HERC4: variants seen among roughly 807,000 people sequenced by gnomAD.
HERC4 encodes HECT and RLD domain containing E3 ubiquitin protein ligase 4.
HERC4 carries 28 observed loss-of-function variants against 124.3 expected under a neutral mutation model. That is an observed-to-expected ratio of 0.23 (90% CI 0.17 to 0.31). The LOEUF (loss-of-function observed/expected upper bound fraction) is 0.31. Ranked by LOEUF, HERC4 falls within the 10% of genes least tolerant of loss-of-function variation. The probability of loss-of-function intolerance (pLI) is 1.00; values close to 1 mark genes in which losing one functional copy is unlikely to be tolerated. For synonymous variants in HERC4, 407 were observed against 421.5 expected (o/e 0.97, Z 0.42); for missense variants, 713 against 1,229.3 (o/e 0.58, Z 6.28).
At chr10:68,011,094 G>A (rs928997128) in intron 9 of HERC4, among the ~76,000 whole-genome samples, 3 of 152,186 alleles carry the variant, frequency 2.0e-5, no homozygotes, top group Non-Finnish European at 2.9e-5. Context: ...ACAGGGTCTT[G>A]CTCTGTCGCC....
At chr10:68,055,947 T>G (rs191426310) in intron 3 of HERC4, among the ~76,000 whole-genome samples, 1 of 152,010 alleles carries the variant, frequency 6.6e-6, no homozygotes, top group Admixed American at 6.6e-5. Flanking sequence ...AGGGGGGGTT[T>G]CACCATGTTG....
At chr10:68,060,768 T>C (rs913570868) in intron 3 of HERC4, among the ~76,000 whole-genome samples, 2 of 152,178 alleles carry the variant, frequency 1.3e-5, no homozygotes, top group African/African-American at 4.8e-5. Flanking sequence ...CTTCAAAATA[T>C]AAGGTTCATT....
Position 67,922,812 on chromosome 10 carries a change from A to G in HERC4, c.*119T>C, listed in dbSNP as rs1034593297. ...GGCTTCCATGAACACTCGTAGATTG[A>G]ACATTCTGCAAGTAAGAATTATAAT... On this transcript the variant is annotated 3_prime_UTR_variant, in exon 25 of 25. Coordinates refer to ENST00000373700, the MANE Select transcript of HERC4 (RefSeq NM_015601.4). 6.9e-6 allele frequency: 5 copies of G among 724,902 alleles called. No individual in the cohort carries two copies. The highest frequency in any genetic ancestry group is 1.2e-5 in the Non-Finnish European group (5 of 431,318). 44.9% of individuals were successfully genotyped at this position (724,902 alleles called of 1,614,324 possible).
intron 5 of HERC4, 21 bp downstream of exon 5, chr10:68,038,072 A>C (rs2039571385): frequency 2.2e-6 from 3 of 1,347,316 alleles, no homozygotes; most frequent in Non-Finnish European, 3.1e-6. Flanking sequence ...GAAGAGAAAT[A>C]AAATAAAAAC....
intron 24 of HERC4, among the ~76,000 whole-genome samples, chr10:67,924,287 G>T (rs186885344): frequency 5.5e-4 from 84 of 152,212 alleles, no homozygotes; most frequent in Non-Finnish European, 1.1e-3. Context: ...TTAATAACAT[G>T]TACATTCATG....
chr10:68,063,044 T>C (rs540908174), intron 3 of HERC4, among the ~76,000 whole-genome samples: 12 of 152,266 alleles, frequency 7.9e-5, no homozygotes, highest in African/African-American at 2.4e-4. Context: ...GCCATCTGCT[T>C]AGTATACTAT....
intron 3 of HERC4, chr10:68,069,486 C>T (rs2041462582): frequency 2.1e-5 from 21 of 985,386 alleles, no homozygotes; most frequent in Non-Finnish European, 2.5e-5. Flanking sequence ...TCAGTTAAAT[C>T]TTTCTGTGTG....
chr10:67,990,399 A>G lies in HERC4; in HGVS notation c.1445T>C (p.Val482Ala). The change falls in exon 14 of 25, where the codon GTG (valine) becomes GCG (alanine). Residue 482 changes from valine (V) to alanine (A), a missense_variant and splice_region_variant. Physicochemically the swap from Val to Ala is moderately conservative, Grantham distance 64 (BLOSUM62 0). Transcript: ENST00000373700. Reference sequence around the variant, plus strand: ...AAGATTCTTTTCCAAACTAGCTGCCACCTATATTTTGACAAAAAGTAAAAC... The same window carrying G: ...AAGATTCTTTTCCAAACTAGCTGCCGCCTATATTTTGACAAAAAGTAAAAC... The part of the protein sequence containing the change: ...QPDHPQISQQ[V>A]AASLEKNLIP... 1 of 1,487,616 alleles carries G rather than the reference A, an allele frequency of 6.7e-7. No homozygotes were observed. Among genetic ancestry groups the G allele is most frequent in the Non-Finnish European group, 9.0e-7 (1 of 1,109,780 alleles). The allele number at this position is 1,487,616 out of a possible 1,614,324, so 92.2% of individuals were successfully genotyped here. A position where few individuals can be genotyped will look rare whatever the true frequency, so the allele number is the denominator to read the frequency against.
chr10:67,930,026 G>C (rs2031613785), intron 23 of HERC4, among the ~76,000 whole-genome samples: 1 of 152,024 alleles, frequency 6.6e-6, no homozygotes, highest in South Asian at 2.1e-4. Flanking sequence ...GGGTGGTCTT[G>C]AACTCCCAAC....
intron 15 of HERC4, among the ~76,000 whole-genome samples, chr10:67,983,786 C>CAAAAAAAAAAA (rs61012367): frequency 2.0e-5 from 2 of 100,148 alleles, no homozygotes; most frequent in African/African-American, 4.1e-5. Context: ...GACTCTGTCT[C>CAAAAAAAAAAA]AAAAAAAAAA....
intron 8 of HERC4, among the ~76,000 whole-genome samples, chr10:68,018,497 C>T (rs900837471): frequency 1.3e-5 from 2 of 152,046 alleles, no homozygotes; most frequent in African/African-American, 2.4e-5. Context: ...GTGTCCTAAA[C>T]AGCACATTAA....
At chr10:67,989,906 T>C (rs2132749220) in intron 14 of HERC4, among the ~76,000 whole-genome samples, 1 of 152,200 alleles carries the variant, frequency 6.6e-6, no homozygotes, top group African/African-American at 2.4e-5. Flanking sequence ...TTTACTTCTT[T>C]AATAGCAAGA....
chr10:67,924,839 T>A (rs2030697833), intron 24 of HERC4, among the ~76,000 whole-genome samples: 1 of 152,248 alleles, frequency 6.6e-6, no homozygotes, highest in South Asian at 2.1e-4. Context: ...CACAGTTTAT[T>A]GTAACTATAA....
At chr10:67,994,360 T>C (rs1195120295) in intron 9 of HERC4, 1 of 152,214 alleles carries the variant, frequency 6.6e-6, no homozygotes, top group African/African-American at 2.4e-5. Context: ...TAATCTACAG[T>C]ACATGAATGG....
Position 67,936,178 on chromosome 10 carries a change from C to T in HERC4, c.2629G>A (p.Asp877Asn). 1 of 1,603,076 alleles carries T rather than the reference C, an allele frequency of 6.2e-7. No individual in the cohort carries two copies. The highest frequency in any genetic ancestry group is 8.5e-7 in the Non-Finnish European group (1 of 1,176,034). ...EVKELVLNGA[D>N]TAVNKQNRQE... ...CGATTTTGTTTGTTAACAGCTGTGT[C>T]TGCACCATTTAGAACCAGCTCTTTC... Residue 877 changes from aspartate to asparagine, a missense_variant, in exon 22 of 25, where the codon GAC becomes AAC. Transcript: ENST00000373700.
chr10:67,963,568 A>G (rs1489925212), intron 16 of HERC4, among the ~76,000 whole-genome samples: 1 of 152,186 alleles, frequency 6.6e-6, no homozygotes, highest in African/African-American at 2.4e-5. Context: ...TAAGAGCTAA[A>G]CACCAAGAGT....
At chr10:67,975,374 C>G (rs2035523311) in intron 15 of HERC4, among the ~76,000 whole-genome samples, 1 of 152,122 alleles carries the variant, frequency 6.6e-6, no homozygotes, top group Admixed American at 6.5e-5. Context: ...ACGTAAGTAA[C>G]AGAGCCAGAA....
rs1206310135 is a variant in HERC4 at position 67,996,516 on chromosome 10, C to T, written c.1070-3834G>A. 5.9e-5 allele frequency among the ~76,000 whole-genome samples: 9 copies of T among 152,230 alleles called. No homozygotes were observed. In the South Asian group the frequency reaches 1.9e-3, roughly 32 times the overall value. Reference sequence around the variant, plus strand: ...TTGATGGTCTCTAAGTCCCTTTCCACTCTTAGCACTTATTCAGGACTCCAA... The same window carrying T: ...TTGATGGTCTCTAAGTCCCTTTCCATTCTTAGCACTTATTCAGGACTCCAA... On this transcript the variant is annotated intron_variant, in intron 9 of 24. Transcript: ENST00000373700.
intron 19 of HERC4, among the ~76,000 whole-genome samples, chr10:67,943,709 C>A (rs1005841458): frequency 1.3e-5 from 2 of 152,178 alleles, no homozygotes; most frequent in Non-Finnish European, 2.9e-5. Flanking sequence ...GTACAGTGAA[C>A]AAGGAGAATC....
Sources: allele counts gnomAD v4.1 joint callset (sites outside exome capture counted in the v4.1 genomes callset), GRCh38; gene constraint gnomAD v4.1.1; transcripts MANE v1.5; gene names NCBI Gene and HGNC (gene_info 2026-07-23, HGNC 2026-07-21).